PDE6A: variants seen among roughly 807,000 people sequenced by gnomAD.
PDE6A encodes the protein rod cGMP-specific 3',5'-cyclic phosphodiesterase subunit alpha.
Under a neutral mutation model 106.3 loss-of-function variants are expected in PDE6A, and 84 were observed. The observed-to-expected ratio is 0.79, with a 90% CI of 0.66 to 0.95. The LOEUF is 0.95. PDE6A is among the 40% of genes least tolerant of loss of function. The pLI, the probability that PDE6A is intolerant of heterozygous loss-of-function variation, is 0.00. For missense variants in PDE6A, 1,052 were observed against 1,084.9 expected (o/e 0.97, Z 0.43); for synonymous variants, 394 against 386.6 (o/e 1.02, Z -0.23).
chr5:149,877,343 C>T (rs1032956814), intron 17 of PDE6A, among the ~76,000 whole-genome samples: 37 of 151,964 alleles, frequency 2.4e-4, no homozygotes, highest in Non-Finnish European at 5.9e-5. Flanking sequence ...TTTGGGAGGC[C>T]GAGGTGTAAG....
chr5:149,921,427 T>A lies in PDE6A; in HGVS notation c.933+208A>T, dbSNP rs568113723. Among the ~76,000 whole-genome samples, 186 of 149,008 alleles carry A rather than the reference T, an allele frequency of 1.2e-3. 1 individual carries two copies. Among genetic ancestry groups the A allele is most frequent in the Non-Finnish European group, 2.3e-3 (154 of 66,970 alleles). On this transcript the variant is annotated intron_variant, in intron 5 of 21. Coordinates refer to ENST00000255266, the MANE Select transcript of PDE6A (RefSeq NM_000440.3). ...CAATTATGAGGAATTATTGTTGCTG[T>A]TTTTTTTTTACTTTTTTTCTCTCTG...
chr5:149,895,347 T>G, intron 12 of PDE6A, 57 bp from the exon 13 acceptor site: 4 of 1,192,760 alleles, frequency 3.4e-6, no homozygotes, highest in East Asian at 2.3e-5. Context: ...CTCATGAGGG[T>G]TGGAATAACA....
chr5:149,908,334 GAGA>G (rs1018175352), intron 6 of PDE6A, among the ~76,000 whole-genome samples: 14 of 152,148 alleles, frequency 9.2e-5, no homozygotes, highest in African/African-American at 3.4e-4. Context: ...ATATTCCTAG[GAGA>G]AGAAGTACTA....
chr5:149,871,738 C>T (rs978851893), intron 17 of PDE6A, among the ~76,000 whole-genome samples: 2 of 152,148 alleles, frequency 1.3e-5, no homozygotes, highest in African/African-American at 4.8e-5. Flanking sequence ...GGAGTTAGAA[C>T]AGAAGGGTGA....
At chr5:149,898,549 G>C (rs746134644) in intron 9 of PDE6A, 43 bp from the exon 10 acceptor site, 2 of 1,593,402 alleles carry the variant, frequency 1.3e-6, no homozygotes, top group Admixed American at 1.7e-5. Context: ...GAACACCTAA[G>C]TTTAATCTTG....
intron 3 of PDE6A, among the ~76,000 whole-genome samples, chr5:149,931,807 A>C (rs1581209982): frequency 1.3e-5 from 2 of 152,346 alleles, no homozygotes; most frequent in South Asian, 4.1e-4. Flanking sequence ...AATTCCTTTT[A>C]AAAAACAAAA....
intron 13 of PDE6A, among the ~76,000 whole-genome samples, chr5:149,893,141 G>T (rs1752606287): frequency 1.3e-5 from 2 of 152,200 alleles, no homozygotes; most frequent in South Asian, 4.1e-4. Flanking sequence ...ATGACAACCA[G>T]ATCTTTCATG....
At chr5:149,895,564 T>G (rs112415889) in intron 12 of PDE6A, among the ~76,000 whole-genome samples, 2 of 152,122 alleles carry the variant, frequency 1.3e-5, no homozygotes, top group Non-Finnish European at 2.9e-5. Context: ...TGACTGAGCT[T>G]CATCAGTAAT....
Position 149,915,015 on chromosome 5 carries a change from AAG to A in PDE6A, c.934-10_934-9del, listed in dbSNP as rs1753507180. ...CTTGTAAAAGTTAATTTCCTGGCAA[AAG>A]AGAGAAAAATTATACTTTTTTTTTT... On this transcript the variant is annotated splice_polypyrimidine_tract_variant and intron_variant, in intron 5 of 21. Transcript: ENST00000255266. 1 of 1,571,680 alleles carries A rather than the reference AAG, an allele frequency of 6.4e-7. No homozygotes were observed. The highest frequency in any genetic ancestry group is 1.1e-5 in the South Asian group (1 of 88,392).
At chr5:149,914,922 C>G in intron 6 of PDE6A, 21 bp downstream of exon 6, 1 of 1,556,810 alleles carries the variant, frequency 6.4e-7, no homozygotes, top group Non-Finnish European at 8.9e-7. Context: ...GTCATTTTGT[C>G]TTTTGACAGG....
At chr5:149,898,333 G>A (rs746601767) in intron 10 of PDE6A, 30 bp downstream of exon 10, 4 of 1,607,112 alleles carry the variant, frequency 2.5e-6, no homozygotes, top group South Asian at 1.1e-5. Context: ...GTCTGTATTA[G>A]AGTAGAAACA....
chr5:149,906,576 A>G (rs544394879), intron 7 of PDE6A, among the ~76,000 whole-genome samples: 1 of 148,530 alleles, frequency 6.7e-6, no homozygotes, highest in South Asian at 2.2e-4. Flanking sequence ...GCCTGTTGTA[A>G]TTTAGCCCCT....
intron 17 of PDE6A, among the ~76,000 whole-genome samples, chr5:149,869,450 A>C (rs1002644370): frequency 1.3e-5 from 2 of 152,220 alleles, no homozygotes; most frequent in Admixed American, 6.5e-5. Context: ...GTATTATTAC[A>C]TAGGTGGGTA....
At chr5:149,864,553 T>A (rs985316816) in intron 20 of PDE6A, among the ~76,000 whole-genome samples, 1 of 152,220 alleles carries the variant, frequency 6.6e-6, no homozygotes, top group Admixed American at 6.5e-5. Context: ...TCTTAAAGGC[T>A]CTTACAGCTC....
chr5:149,934,784 G>A, intron 1 of PDE6A, 66 bp from the exon 2 acceptor site: 2 of 1,527,662 alleles, frequency 1.3e-6, no homozygotes, highest in Non-Finnish European at 1.8e-6. Flanking sequence ...ACGGCCCAAA[G>A]CCCCTGTTGA....
In PDE6A at chr5:149,934,547, G is replaced by A. The variant is rs1754130257; in HGVS notation, c.627+19C>T. ...GAATGTGCTAGCATGGCTATCCTTA[G>A]TCTCTAAAGCATTCTTACCTCTTCA... is the stretch of plus-strand genomic sequence containing the variant. On this transcript the variant is annotated intron_variant, in intron 2 of 21. Coordinates refer to ENST00000255266, the MANE Select transcript of PDE6A (RefSeq NM_000440.3). 5.0e-6 allele frequency: 8 copies of A among 1,613,194 alleles called. No homozygotes were observed. The highest frequency in any genetic ancestry group is 1.1e-5 in the South Asian group (1 of 91,064).
At position 149,871,540 on chromosome 5, in the gene PDE6A, A is replaced by G. The variant is rs1317245930; in HGVS notation, c.2136-3382T>C. ...GGAGAAACACATTCCAGGCAGAAGG[A>G]TCATCTAGTGTGCAGGGCCTGGTAG... On this transcript the variant is annotated intron_variant, in intron 17 of 21. Transcript: ENST00000255266. Among the ~76,000 whole-genome samples the G allele has an allele frequency of 2.0e-5, 3 of 152,020 alleles. No homozygotes were observed. The East Asian group carries it at 5.8e-4, about 29-fold the overall frequency.
chr5:149,884,299 T>C (rs1761048074), intron 16 of PDE6A, among the ~76,000 whole-genome samples, 180 bp downstream of exon 16: 1 of 148,480 alleles, frequency 6.7e-6, no homozygotes, highest in Non-Finnish European at 1.5e-5. Context: ...TGTATATATG[T>C]ATATATGTGT....
intron 5 of PDE6A, 63 bp downstream of exon 5, chr5:149,921,572 G>T: frequency 7.5e-7 from 1 of 1,335,702 alleles, no homozygotes; most frequent in South Asian, 1.2e-5. Flanking sequence ...TCCTTTAACA[G>T]GGTTTACTGT....
Sources: allele counts gnomAD v4.1 joint callset (sites outside exome capture counted in the v4.1 genomes callset), GRCh38; gene constraint gnomAD v4.1.1; transcripts MANE v1.5; gene names NCBI Gene and HGNC (gene_info 2026-07-23, HGNC 2026-07-21).